Variants in DYNLT5 observed in about 807,000 individuals in gnomAD.
DYNLT5 encodes dynein light chain Tctex-type family member 5.
Under a neutral mutation model 19.3 loss-of-function variants are expected in DYNLT5, and 25 were observed. The observed-to-expected ratio is 1.30, with a 90% CI of 0.95 to 1.81. The LOEUF (loss-of-function observed/expected upper bound fraction) is 1.81. DYNLT5 is among the 40% of genes most tolerant of loss of function. The probability of loss-of-function intolerance (pLI) is 0.00; values close to 1 mark genes in which losing one functional copy is unlikely to be tolerated. For synonymous variants in DYNLT5, 82 were observed against 68.9 expected, an observed-to-expected ratio of 1.19 and a Z score of -0.94; for missense variants, 232 against 217.9, an observed-to-expected ratio of 1.06 and a Z score of -0.41.
intron 2 of DYNLT5, among the ~76,000 whole-genome samples, chr1:66,761,684 C>CA (rs1431580564): frequency 6.6e-6 from 1 of 152,088 alleles, no homozygotes; most frequent in Non-Finnish European, 1.5e-5. Context: ...GAGACTGAGG[C>CA]AGGAGGATCC....
At chr1:66,769,691 A>C (rs947113146) in intron 2 of DYNLT5, among the ~76,000 whole-genome samples, 6 of 152,114 alleles carry the variant, frequency 3.9e-5, no homozygotes, top group Non-Finnish European at 7.3e-5. Context: ...AAGTTGAATT[A>C]AGTAGTGCTG....
chr1:66,764,616 A>C (rs1209659629), intron 2 of DYNLT5, among the ~76,000 whole-genome samples: 1 of 152,256 alleles, frequency 6.6e-6, no homozygotes, highest in Admixed American at 6.5e-5. Context: ...ATGTAATATG[A>C]AAATCTAAAA....
At chr1:66,767,098 C>T (rs1193660955) in intron 2 of DYNLT5, among the ~76,000 whole-genome samples, 1 of 151,774 alleles carries the variant, frequency 6.6e-6, no homozygotes, top group Non-Finnish European at 1.5e-5. Flanking sequence ...CACAAGTTCA[C>T]CTATATAACA....
chr1:66,763,982 C>T (rs773939574), intron 2 of DYNLT5, among the ~76,000 whole-genome samples: 1 of 151,912 alleles, frequency 6.6e-6, no homozygotes, highest in Non-Finnish European at 1.5e-5. Context: ...TTCAAGAGTT[C>T]GAGACCAGCC....
At chr1:66,753,977 G>C (rs2094631678) in intron 1 of DYNLT5, among the ~76,000 whole-genome samples, 2 of 151,186 alleles carry the variant, frequency 1.3e-5, no homozygotes, top group African/African-American at 2.4e-5. Context: ...GCCAGGTAGA[G>C]TGGCTCATGC....
chr1:66,767,315 C>A (rs564610979), intron 2 of DYNLT5, among the ~76,000 whole-genome samples: 163 of 152,248 alleles, frequency 1.1e-3, no homozygotes, highest in Non-Finnish European at 2.1e-3. Flanking sequence ...AGTGCAATGG[C>A]ATGATCTCAG....
intron 2 of DYNLT5, among the ~76,000 whole-genome samples, chr1:66,767,311 A>G (rs1179300330): frequency 6.6e-6 from 1 of 152,054 alleles, no homozygotes; most frequent in Non-Finnish European, 1.5e-5. Context: ...CTAGAGTGCA[A>G]TGGCATGATC....
intron 2 of DYNLT5, among the ~76,000 whole-genome samples, chr1:66,755,102 G>T (rs2094633843): frequency 6.6e-6 from 1 of 152,060 alleles, no homozygotes; most frequent in Non-Finnish European, 1.5e-5. Context: ...CATAGGTTTT[G>T]CATTTTTGTA....
chr1:66,769,794 C>T (rs1248306952), intron 2 of DYNLT5, among the ~76,000 whole-genome samples: 1 of 151,988 alleles, frequency 6.6e-6, no homozygotes, highest in Non-Finnish European at 1.5e-5. Flanking sequence ...AACCCTTTTT[C>T]GATGTTGAAA....
intron 1 of DYNLT5, among the ~76,000 whole-genome samples, chr1:66,754,005 T>G (rs930855501): frequency 1.3e-5 from 2 of 151,454 alleles, no homozygotes; most frequent in East Asian, 3.9e-4. Context: ...CCCAGCACTT[T>G]GGGAGGCTGA....
rs1229095926 is a variant in DYNLT5 at position 66,754,787 on chromosome 1, T to A, written c.119+10T>A. The A allele has an allele frequency of 2.5e-6, 4 of 1,601,440 alleles. No homozygotes were observed. Among genetic ancestry groups the A allele is most frequent in the Non-Finnish European group, 3.4e-6 (4 of 1,175,972 alleles). ...ATGGGCGCATCAAAGAGTGAGTAAC[T>A]GTCTAAAATTGTAAATTCATTTATT... On this transcript the variant is annotated intron_variant, in intron 2 of 4. Coordinates refer to ENST00000282670, the MANE Select transcript of DYNLT5 (RefSeq NM_152665.3).
chr1:66,756,811 C>T (rs1235482274), intron 2 of DYNLT5, among the ~76,000 whole-genome samples: 1 of 152,212 alleles, frequency 6.6e-6, no homozygotes, highest in African/African-American at 2.4e-5. Context: ...ATCATCCCCT[C>T]CAGCTATACT....
Position 66,765,878 on chromosome 1 carries a change from A to C in DYNLT5, c.120-4509A>C, listed in dbSNP as rs184130031. Among the ~76,000 whole-genome samples, 397 of 152,290 alleles carry C rather than the reference A, an allele frequency of 2.6e-3. 3 individuals carry two copies. The highest frequency in any genetic ancestry group is 8.6e-3 in the African/African-American group (357 of 41,568). ...TGCATTTCCAGTGTCAGCCAGGTAC[A>C]AATAAGGAGGATTACTTTTGTTATT... On this transcript the variant is annotated intron_variant, in intron 2 of 4. Coordinates refer to ENST00000282670, the MANE Select transcript of DYNLT5 (RefSeq NM_152665.3).
chr1:66,777,173 T>A, intron 4 of DYNLT5, 78 bp from the exon 5 acceptor site: 1 of 1,238,830 alleles, frequency 8.1e-7, no homozygotes, highest in Non-Finnish European at 1.2e-6. Context: ...ATTAAATCCC[T>A]TATATTTATA....
Position 66,778,337 on chromosome 1 carries a change from T to C in DYNLT5, c.*883T>C, listed in dbSNP as rs544935877. ...ATGTGTAGTTACCATTTTACTCCTA[T>C]GAATTTAATACTAAAGTGACCCAGT... On this transcript the variant is annotated 3_prime_UTR_variant, in exon 5 of 5. Coordinates refer to ENST00000282670, the MANE Select transcript of DYNLT5 (RefSeq NM_152665.3). 3.9e-5 allele frequency: 6 copies of C among 152,794 alleles called. No homozygotes were observed. The highest frequency in any genetic ancestry group is 5.9e-5 in the Non-Finnish European group (4 of 68,038). The allele number at this position is 152,794 out of a possible 1,614,324, so 9.5% of individuals were successfully genotyped here. A position where few individuals can be genotyped will look rare whatever the true frequency, so the allele number is the denominator to read the frequency against.
chr1:66,765,640 C>CTTT (rs11399958), intron 2 of DYNLT5, among the ~76,000 whole-genome samples: 13 of 138,754 alleles, frequency 9.4e-5, no homozygotes, highest in African/African-American at 3.4e-4. Context: ...TTTTCTTTTT[C>CTTT]TTTTTTTTTT....
intron 2 of DYNLT5, among the ~76,000 whole-genome samples, chr1:66,767,644 T>A (rs1645170072): frequency 6.6e-6 from 1 of 152,238 alleles, no homozygotes; most frequent in Non-Finnish European, 1.5e-5. Context: ...TCAGATCTAC[T>A]GCTGCATATA....
intron 2 of DYNLT5, among the ~76,000 whole-genome samples, chr1:66,763,107 A>G (rs1397008002): frequency 2.6e-5 from 4 of 152,376 alleles, no homozygotes; most frequent in African/African-American, 9.6e-5. Context: ...GCATGAAAGC[A>G]ACATTAATCT....
At chr1:66,760,045 T>C (rs1303006002) in intron 2 of DYNLT5, among the ~76,000 whole-genome samples, 2 of 152,144 alleles carry the variant, frequency 1.3e-5, no homozygotes, top group Non-Finnish European at 1.5e-5. Context: ...ATGTGGTTCA[T>C]TTCCTCACCT....
Sources: allele counts gnomAD v4.1 joint callset (sites outside exome capture counted in the v4.1 genomes callset), GRCh38; gene constraint gnomAD v4.1.1; transcripts MANE v1.5; gene names NCBI Gene and HGNC (gene_info 2026-07-23, HGNC 2026-07-21).